The following GRK3 variants were observed in gnomAD, a reference collection of about 807,000 sequenced individuals.
GRK3 encodes G protein-coupled receptor kinase 3, also known as adrenergic, beta, receptor kinase 2.
A neutral mutation model predicts 95.7 loss-of-function variants in GRK3; 54 were observed. That is an observed-to-expected ratio of 0.56 (90% confidence interval 0.45 to 0.71). The LOEUF (loss-of-function observed/expected upper bound fraction) is 0.71, where lower values mean the gene tolerates loss of function less well. Among genes scored for constraint, GRK3 ranks in the 30% least tolerant of loss-of-function variants. GRK3 has a pLI of 0.00. For missense variants in GRK3, 649 were observed against 851.2 expected, an observed-to-expected ratio of 0.76 and a Z score of 2.96; for synonymous variants, 281 against 290.8, an observed-to-expected ratio of 0.97 and a Z score of 0.34.
At chr22:25,698,748 C>T (rs185091651) in intron 13 of GRK3, among the ~76,000 whole-genome samples, 1 of 152,080 alleles carries the variant, frequency 6.6e-6, no homozygotes, top group African/African-American at 2.4e-5. Flanking sequence ...CTGGAAGCAG[C>T]CTGGAGCAAT....
chr22:25,664,551 C>T (rs548186797), intron 5 of GRK3, among the ~76,000 whole-genome samples: 142 of 135,338 alleles, frequency 1.0e-3, no homozygotes, highest in Non-Finnish European at 1.8e-3. Flanking sequence ...GACAGAGTCT[C>T]GCTCTGTCGC....
In GRK3 at chr22:25,564,690, G is replaced by T. The variant is rs1931364906; in HGVS notation, c.-351G>T. 6.6e-6 allele frequency among the ~76,000 whole-genome samples: 1 copy of T among 151,546 alleles called. No individual in the cohort carries two copies. ...GACCGTAGAGACTTGGTCGGGAGGCGCCGGCCCAGCGAGGCCGCTGGGACT... is the reference window on the plus strand; with the variant it reads ...GACCGTAGAGACTTGGTCGGGAGGCTCCGGCCCAGCGAGGCCGCTGGGACT... On this transcript the variant is annotated 5_prime_UTR_variant, in exon 1 of 21. Coordinates refer to ENST00000324198, the MANE Select transcript of GRK3 (RefSeq NM_005160.4).
chr22:25,635,755 G>A (rs2084696162), intron 2 of GRK3, among the ~76,000 whole-genome samples: 1 of 152,152 alleles, frequency 6.6e-6, no homozygotes, highest in Non-Finnish European at 1.5e-5. Flanking sequence ...TGTTAGTTAT[G>A]AGTTTTCCCT....
At chr22:25,606,993 G>A (rs1181570735) in intron 2 of GRK3, among the ~76,000 whole-genome samples, 1 of 152,198 alleles carries the variant, frequency 6.6e-6, no homozygotes, top group African/African-American at 2.4e-5. Flanking sequence ...GATGCTCAGT[G>A]AATAGAAGCA....
chr22:25,583,031 GT>G (rs1203592432), intron 1 of GRK3, among the ~76,000 whole-genome samples: 39 of 152,182 alleles, frequency 2.6e-4, no homozygotes, highest in Admixed American at 2.6e-3. Context: ...TGTGGAGCAT[GT>G]TTTAGTTTGT....
intron 17 of GRK3, among the ~76,000 whole-genome samples, chr22:25,713,700 C>T (rs150699555): frequency 1.3e-5 from 2 of 152,174 alleles, no homozygotes; most frequent in Non-Finnish European, 2.9e-5. Context: ...TTTCTTTGCT[C>T]ATATTCAAAA....
chr22:25,653,824 G>T (rs1422606787), intron 3 of GRK3, among the ~76,000 whole-genome samples: 1 of 152,176 alleles, frequency 6.6e-6, no homozygotes, highest in East Asian at 1.9e-4. Context: ...AAGTAGCTGG[G>T]ACTACAGGCA....
At chr22:25,639,586 A>C (rs970308553) in intron 2 of GRK3, among the ~76,000 whole-genome samples, 4 of 152,172 alleles carry the variant, frequency 2.6e-5, no homozygotes, top group Non-Finnish European at 5.9e-5. Flanking sequence ...TGAGTCTTGA[A>C]ATTGGATAGC....
In GRK3 at chr22:25,681,079, C is replaced by G. The variant is rs559246599; in HGVS notation, c.747+2164C>G. On this transcript the variant is annotated intron_variant, in intron 9 of 20. Transcript: ENST00000324198. ...AAAGGAAATATGCATGTTGGAGAAC[C>G]AGCATAAGCGTGTCCACAGCTGTGA... Among the ~76,000 whole-genome samples, 3 of 152,062 alleles carry G rather than the reference C, an allele frequency of 2.0e-5. No individual in the cohort carries two copies. In the South Asian group the frequency reaches 6.2e-4, roughly 32 times the overall value.
chr22:25,711,919 C>A (rs1423865326), intron 17 of GRK3, among the ~76,000 whole-genome samples: 1 of 152,180 alleles, frequency 6.6e-6, no homozygotes, highest in African/African-American at 2.4e-5. Context: ...AAAACACACA[C>A]CTGTGAGGTG....
chr22:25,605,524 A>G (rs1163913235), intron 2 of GRK3, among the ~76,000 whole-genome samples: 4 of 152,186 alleles, frequency 2.6e-5, no homozygotes, highest in Non-Finnish European at 5.9e-5. Context: ...AAAAGGAATT[A>G]TCTTTTTATT....
intron 12 of GRK3, among the ~76,000 whole-genome samples, chr22:25,692,312 A>G (rs948053464): frequency 2.0e-5 from 3 of 152,216 alleles, no homozygotes; most frequent in African/African-American, 7.2e-5. Flanking sequence ...GTGGCTAGGA[A>G]TAAAGGCTCT....
At chr22:25,685,589 C>T (rs1401808177) in intron 10 of GRK3, among the ~76,000 whole-genome samples, 1 of 152,128 alleles carries the variant, frequency 6.6e-6, no homozygotes, top group Non-Finnish European at 1.5e-5. Context: ...TGAAATACCT[C>T]ATAAGAATAT....
At chr22:25,618,788 G>C (rs1275451773) in intron 2 of GRK3, among the ~76,000 whole-genome samples, 2 of 150,104 alleles carry the variant, frequency 1.3e-5, no homozygotes, top group East Asian at 3.9e-4. Flanking sequence ...CCTCACCTCA[G>C]CAAGACCACC....
chr22:25,708,827 A>G (rs1258130374), intron 15 of GRK3, among the ~76,000 whole-genome samples: 1 of 150,616 alleles, frequency 6.6e-6, no homozygotes, highest in Non-Finnish European at 1.5e-5. Context: ...ATGCCCAGCT[A>G]ATTTTTTGTA....
Position 25,678,327 on chromosome 22 carries a change from C to T in GRK3, c.648-489C>T, listed in dbSNP as rs1005849391. 2.6e-5 allele frequency among the ~76,000 whole-genome samples: 4 copies of T among 152,036 alleles called. 1 individual carries two copies. The highest frequency in any genetic ancestry group is 4.2e-4 in the South Asian group (2 of 4,816). On this transcript the variant is annotated intron_variant, in intron 8 of 20. Coordinates refer to ENST00000324198, the MANE Select transcript of GRK3 (RefSeq NM_005160.4). ...AAAATTAGCCGGTCATGGTGGCGGG[C>T]GCCTGTAGTCCCAGCTACTTGGAAG...
chr22:25,683,879 G>T (rs2085093633), intron 9 of GRK3, among the ~76,000 whole-genome samples: 1 of 151,978 alleles, frequency 6.6e-6, no homozygotes, highest in African/African-American at 2.4e-5. Context: ...TTTTATTTTA[G>T]TCTAATTAAC....
intron 1 of GRK3, among the ~76,000 whole-genome samples, chr22:25,598,184 A>T (rs1441978625): frequency 6.6e-6 from 1 of 152,240 alleles, no homozygotes; most frequent in African/African-American, 2.4e-5. Flanking sequence ...ATGGAAATGT[A>T]AAATGTTATT....
chr22:25,671,959 C>T (rs1197422011), intron 6 of GRK3, among the ~76,000 whole-genome samples: 2 of 152,230 alleles, frequency 1.3e-5, no homozygotes, highest in East Asian at 3.9e-4. Flanking sequence ...ATATTGATTT[C>T]ATGTTGAATT....
Sources: allele counts gnomAD v4.1 joint callset (sites outside exome capture counted in the v4.1 genomes callset), GRCh38; gene constraint gnomAD v4.1.1; transcripts MANE v1.5; gene names NCBI Gene and HGNC (gene_info 2026-07-23, HGNC 2026-07-21).